The following ATP9B variants were observed in gnomAD, a reference collection of about 807,000 sequenced individuals.
The protein encoded by ATP9B is ATPase phospholipid transporting 9B.
Under a neutral mutation model 146.1 loss-of-function variants are expected in ATP9B, and 110 were observed. The observed-to-expected ratio is 0.75, with a 90% CI of 0.65 to 0.88. ATP9B has a LOEUF of 0.88. ATP9B is among the 40% of genes least tolerant of loss of function. ATP9B has a pLI of 0.00. For missense variants in ATP9B, 1,499 were observed against 1,496.4 expected, an observed-to-expected ratio of 1.00 and a Z score of -0.03; for synonymous variants, 604 against 569.7, an observed-to-expected ratio of 1.06 and a Z score of -0.86.
chr18:79,214,830 A>C (rs1568421329), intron 11 of ATP9B, among the ~76,000 whole-genome samples: 1 of 152,336 alleles, frequency 6.6e-6, no homozygotes, highest in East Asian at 1.9e-4. Flanking sequence ...AAGTCTTATT[A>C]ACGCAGTGGA....
chr18:79,181,807 T>C (rs2095255453), intron 8 of ATP9B, among the ~76,000 whole-genome samples: 1 of 152,226 alleles, frequency 6.6e-6, no homozygotes, highest in Non-Finnish European at 1.5e-5. Flanking sequence ...AATATGTATA[T>C]GGCTTCATTG....
chr18:79,144,541 G>A (rs2094553661), intron 6 of ATP9B, among the ~76,000 whole-genome samples: 2 of 152,152 alleles, frequency 1.3e-5, no homozygotes, highest in Admixed American at 1.3e-4. Flanking sequence ...TAATGCTGCT[G>A]CTGATCTGAC....
chr18:79,093,322 C>G (rs1390570688), intron 1 of ATP9B, among the ~76,000 whole-genome samples: 2 of 152,106 alleles, frequency 1.3e-5, no homozygotes, highest in Non-Finnish European at 2.9e-5. Flanking sequence ...ATGTAGACTT[C>G]TGCTTTCACA....
At chr18:79,173,503 T>C (rs1187645524) in intron 7 of ATP9B, among the ~76,000 whole-genome samples, 1 of 151,988 alleles carries the variant, frequency 6.6e-6, no homozygotes, top group Non-Finnish European at 1.5e-5. Flanking sequence ...CTGTATAAGA[T>C]GTAAGGTTCA....
At chr18:79,245,053 C>CT (rs1198514941) in intron 11 of ATP9B, among the ~76,000 whole-genome samples, 1 of 152,166 alleles carries the variant, frequency 6.6e-6, no homozygotes, top group African/African-American at 2.4e-5. Flanking sequence ...CCTAGGGACC[C>CT]TGAGGTCCAG....
At chr18:79,196,349 A>C (rs1435383056) in intron 9 of ATP9B, among the ~76,000 whole-genome samples, 1 of 152,220 alleles carries the variant, frequency 6.6e-6, no homozygotes. Flanking sequence ...TTTTATGGTG[A>C]GCACTGAAGA....
intron 11 of ATP9B, among the ~76,000 whole-genome samples, chr18:79,225,600 G>A (rs552013172): frequency 7.9e-5 from 12 of 151,706 alleles, no homozygotes; most frequent in Non-Finnish European, 8.8e-5. Flanking sequence ...TCCCGCAGTC[G>A]CAGGGCGGCC....
At chr18:79,348,226 T>G in intron 25 of ATP9B, 30 bp downstream of exon 25, 1 of 1,057,354 alleles carries the variant, frequency 9.5e-7, no homozygotes. Flanking sequence ...TGCCAGCTCA[T>G]CCAGGGGAGG....
intron 3 of ATP9B, among the ~76,000 whole-genome samples, chr18:79,111,083 TTAAA>T (rs1194722610): frequency 3.3e-5 from 5 of 152,224 alleles, no homozygotes; most frequent in African/African-American, 1.2e-4. Context: ...ATACTGTAGT[TTAAA>T]TATTTTATTA....
chr18:79,360,896 C>A (rs2147847307), intron 26 of ATP9B: 1 of 152,302 alleles, frequency 6.6e-6, no homozygotes, highest in East Asian at 1.9e-4. Flanking sequence ...TGATAAAGTA[C>A]AGCAGAGTAA....
intron 15 of ATP9B, 22 bp downstream of exon 15, chr18:79,307,256 T>C (rs1016354118): frequency 6.2e-7 from 1 of 1,613,646 alleles, no homozygotes; most frequent in African/African-American, 1.3e-5. Flanking sequence ...CACAAAACCG[T>C]GGGAGCTTGT....
chr18:79,262,131 C>T (rs1010265849), intron 12 of ATP9B, among the ~76,000 whole-genome samples: 2 of 151,748 alleles, frequency 1.3e-5, no homozygotes, highest in Non-Finnish European at 2.9e-5. Flanking sequence ...TCCCTCCCTC[C>T]CCTTTCCTTG....
At chr18:79,327,727 G>A (rs373742921) in intron 15 of ATP9B, among the ~76,000 whole-genome samples, 31 of 54,870 alleles carry the variant, frequency 5.6e-4, no homozygotes, top group Middle Eastern at 0.015. Flanking sequence ...TAGCGTGCTC[G>A]CCGTGGTTAG....
At chr18:79,100,032 C>T (rs558244193) in intron 2 of ATP9B, among the ~76,000 whole-genome samples, 123 of 152,162 alleles carry the variant, frequency 8.1e-4, no homozygotes, top group African/African-American at 2.9e-3. Context: ...GGCTGAGGCA[C>T]AGGAGAATCA....
At chr18:79,370,088 G>C (rs7242557) in intron 26 of ATP9B, among the ~76,000 whole-genome samples, 58,745 of 152,068 alleles carry the variant, frequency 0.39, 11,528 homozygotes, top group Middle Eastern at 0.54. Context: ...AACAGAGCAA[G>C]ACTCCATCTC....
chr18:79,090,061 A>G (rs1447728744), intron 1 of ATP9B, among the ~76,000 whole-genome samples: 2 of 152,178 alleles, frequency 1.3e-5, no homozygotes, highest in South Asian at 2.1e-4. Flanking sequence ...ACTTAAAATA[A>G]TGTCCTTTTG....
intron 8 of ATP9B, among the ~76,000 whole-genome samples, chr18:79,189,577 G>A (rs1236123966): frequency 1.3e-5 from 2 of 152,194 alleles, no homozygotes; most frequent in African/African-American, 2.4e-5. Flanking sequence ...GATGTCATAT[G>A]TATTATATAC....
intron 1 of ATP9B, among the ~76,000 whole-genome samples, chr18:79,095,069 A>G (rs1280197430): frequency 6.6e-6 from 1 of 152,158 alleles, no homozygotes; most frequent in African/African-American, 2.4e-5. Flanking sequence ...AGTCTTCCAC[A>G]ATACTGACCT....
intron 5 of ATP9B, among the ~76,000 whole-genome samples, chr18:79,141,704 G>A (rs2094516493): frequency 6.6e-6 from 1 of 152,192 alleles, no homozygotes; most frequent in South Asian, 2.1e-4. Flanking sequence ...TGTGCCCAGT[G>A]ACTCTTAAAA....
Sources: allele counts gnomAD v4.1 joint callset (sites outside exome capture counted in the v4.1 genomes callset), GRCh38; gene constraint gnomAD v4.1.1; transcripts MANE v1.5; gene names NCBI Gene and HGNC (gene_info 2026-07-23, HGNC 2026-07-21).